The following LRFN5 variants were observed in gnomAD, a reference collection of about 807,000 sequenced individuals.
LRFN5 encodes leucine-rich repeat and fibronectin type-III domain-containing protein 5.
In LRFN5, 24 loss-of-function variants were observed where a neutral mutation model predicts 45.6. The ratio of observed to expected loss-of-function variants is 0.53; its 90% CI spans 0.38 to 0.74. LRFN5 has a LOEUF of 0.74. LRFN5 is among the 30% of genes least tolerant of loss of function. LRFN5 has a pLI of 0.00. For synonymous variants in LRFN5, 340 were observed against 313.8 expected (o/e 1.08, Z -0.88); for missense variants, 776 against 861.5 (o/e 0.90, Z 1.24).
chr14:41,740,793 T>G (rs1335514149), intron 1 of LRFN5, among the ~76,000 whole-genome samples: 1 of 152,008 alleles, frequency 6.6e-6, no homozygotes, highest in Non-Finnish European at 1.5e-5. Context: ...GGCATCAGGT[T>G]TGCCAATGAG....
chr14:41,739,657 GAA>G (rs888521784), intron 1 of LRFN5, among the ~76,000 whole-genome samples: 1 of 130,298 alleles, frequency 7.7e-6, no homozygotes, highest in African/African-American at 2.8e-5. Flanking sequence ...CTAGCAACTA[GAA>G]AAAAAAAAAC....
chr14:41,679,180 A>T (rs1881774334), intron 1 of LRFN5, among the ~76,000 whole-genome samples: 1 of 152,326 alleles, frequency 6.6e-6, no homozygotes, highest in East Asian at 1.9e-4. Context: ...AGTCTAGGCC[A>T]CAAGGACTGC....
chr14:41,646,666 G>GTA (rs1879832786), intron 1 of LRFN5, among the ~76,000 whole-genome samples: 1 of 152,118 alleles, frequency 6.6e-6, no homozygotes, highest in Admixed American at 6.5e-5. Flanking sequence ...TTTTATGTTA[G>GTA]TATATCCTCA....
chr14:41,753,319 T>A (rs897818196), intron 1 of LRFN5, among the ~76,000 whole-genome samples: 3 of 152,204 alleles, frequency 2.0e-5, no homozygotes, highest in African/African-American at 7.2e-5. Context: ...ATTGGTAGCT[T>A]GATGCGGATG....
intron 2 of LRFN5, among the ~76,000 whole-genome samples, chr14:41,856,817 C>A (rs1314334983): frequency 6.8e-6 from 1 of 146,632 alleles, no homozygotes; most frequent in African/African-American, 2.5e-5. Context: ...GCTGGGACTA[C>A]AGGCGCCCGC....
intron 1 of LRFN5, among the ~76,000 whole-genome samples, chr14:41,612,666 C>T (rs2138540366): frequency 6.6e-6 from 1 of 152,208 alleles, no homozygotes; most frequent in Non-Finnish European, 1.5e-5. Context: ...ATTCCCATGG[C>T]ATCCTTCAAT....
intron 2 of LRFN5, among the ~76,000 whole-genome samples, chr14:41,796,951 ATCCTT>A (rs146000173): frequency 0.15 from 22,658 of 151,748 alleles, 1,798 homozygotes; most frequent in Non-Finnish European, 0.18. Context: ...TTCTCTTTGT[ATCCTT>A]TACTTATTTT....
chr14:41,722,580 T>G (rs1368444457), intron 1 of LRFN5, among the ~76,000 whole-genome samples: 1 of 151,904 alleles, frequency 6.6e-6, no homozygotes, highest in Non-Finnish European at 1.5e-5. Flanking sequence ...TTTTTTTTCT[T>G]TCTCTTTCCC....
At chr14:41,749,143 A>C (rs896514449) in intron 1 of LRFN5, among the ~76,000 whole-genome samples, 6 of 152,164 alleles carry the variant, frequency 3.9e-5, no homozygotes, top group Admixed American at 1.3e-4. Context: ...TCATTACCTA[A>C]TCACCTCTTA....
At chr14:41,658,500 T>G (rs1055318017) in intron 1 of LRFN5, among the ~76,000 whole-genome samples, 16 of 151,994 alleles carry the variant, frequency 1.1e-4, no homozygotes, top group Non-Finnish European at 1.6e-4. Flanking sequence ...AATATATTTT[T>G]CAAGTTATTT....
Position 41,904,071 on chromosome 14 carries a change from T to G in LRFN5, c.2143-87T>G, listed in dbSNP as rs989421253. 1.6e-5 allele frequency: 19 copies of G among 1,157,960 alleles called. No individual in the cohort carries two copies. In the South Asian group the frequency reaches 2.5e-4, roughly 15 times the overall value. 71.7% of individuals were successfully genotyped at this position (1,157,960 alleles called of 1,614,324 possible). ...TGCTTACATTTAGTTACTTTTAGAT[T>G]GCTAGCACAATGATCTTATTAGCTA... On this transcript the variant is annotated intron_variant, in intron 5 of 5. Coordinates refer to ENST00000298119, the MANE Select transcript of LRFN5 (RefSeq NM_152447.5).
chr14:41,673,445 G>T (rs1489575434), intron 1 of LRFN5, among the ~76,000 whole-genome samples: 1 of 139,096 alleles, frequency 7.2e-6, no homozygotes, highest in African/African-American at 2.7e-5. Flanking sequence ...GGGCGGGGGG[G>T]CTGACCCCCC....
intron 1 of LRFN5, among the ~76,000 whole-genome samples, chr14:41,611,431 T>G (rs529242115): frequency 1.3e-5 from 2 of 152,344 alleles, no homozygotes; most frequent in African/African-American, 4.8e-5. Flanking sequence ...CCTGGCTCAC[T>G]AGCCTGGTTC....
intron 2 of LRFN5, among the ~76,000 whole-genome samples, chr14:41,843,699 T>C (rs948020206): frequency 1.3e-5 from 2 of 152,182 alleles, no homozygotes; most frequent in South Asian, 2.1e-4. Context: ...ATTGTACTAA[T>C]ACTTTCTTGC....
At chr14:41,786,876 G>T (rs887219809) in intron 2 of LRFN5, among the ~76,000 whole-genome samples, 1 of 151,862 alleles carries the variant, frequency 6.6e-6, no homozygotes, top group Non-Finnish European at 1.5e-5. Context: ...TCACTGTCTT[G>T]ACATTCTTTA....
chr14:41,705,186 T>TA lies in LRFN5; in HGVS notation c.-196-61658dup, dbSNP rs60163571. Among the ~76,000 whole-genome samples, 1,377 of 149,732 alleles carry TA rather than the reference T, an allele frequency of 9.2e-3. 25 individuals are homozygous for TA. Among genetic ancestry groups the TA allele is most frequent in the African/African-American group, 0.03 (1,230 of 40,816 alleles). The stretch of plus-strand genomic sequence containing the variant: ...AATCTATTTGGTGAAAATGCAAAAA[T>TA]AAAAAAAAAATCCCCAAACTAAACA... On this transcript the variant is annotated intron_variant, in intron 1 of 5. Transcript: ENST00000298119.
chr14:41,696,284 G>C (rs1882605870), intron 1 of LRFN5, among the ~76,000 whole-genome samples: 1 of 151,938 alleles, frequency 6.6e-6, no homozygotes, highest in Admixed American at 6.6e-5. Context: ...TGATGAAGAT[G>C]CTGTGAACAT....
intron 2 of LRFN5, among the ~76,000 whole-genome samples, chr14:41,880,181 C>A (rs575578013): frequency 3.9e-5 from 6 of 152,066 alleles, no homozygotes; most frequent in African/African-American, 1.4e-4. Context: ...CCCGCCTTGG[C>A]CTCCCAAAGT....
intron 1 of LRFN5, among the ~76,000 whole-genome samples, chr14:41,736,572 T>G (rs1410227097): frequency 6.6e-6 from 1 of 152,168 alleles, no homozygotes; most frequent in Admixed American, 6.5e-5. Flanking sequence ...GATAGTTTCT[T>G]TTGTTGTGCA....
Sources: allele counts gnomAD v4.1 joint callset (sites outside exome capture counted in the v4.1 genomes callset), GRCh38; gene constraint gnomAD v4.1.1; transcripts MANE v1.5; gene names NCBI Gene and HGNC (gene_info 2026-07-23, HGNC 2026-07-21).